Variants in CYREN observed in about 807,000 individuals in gnomAD.
CYREN encodes cell cycle regulator of non-homologous end joining.
In CYREN, 7 loss-of-function variants were observed where a neutral mutation model predicts 9.7. The observed-to-expected ratio is 0.72, with a 90% CI of 0.41 to 1.36. The LOEUF (loss-of-function observed/expected upper bound fraction) is 1.36, where lower values mean the gene tolerates loss of function less well. Among genes scored for constraint, CYREN ranks in the 40% most tolerant of loss-of-function variants. CYREN has a pLI of 0.01. For missense variants in CYREN, 215 were observed against 198.1 expected (o/e 1.09, Z -0.51); for synonymous variants, 76 against 77.9 (o/e 0.98, Z 0.13).
At chr7:135,165,626 G>C (rs966526893), downstream of CYREN, 2 of 167,488 alleles carry the variant, frequency 1.2e-5, no homozygotes, top group Admixed American at 1.3e-4. Context: ...CCTGAAGCCA[G>C]ACAGGGCAGA....
intron 2 of CYREN, among the ~76,000 whole-genome samples, chr7:135,125,033 C>A (rs1472520302): frequency 6.6e-6 from 1 of 151,752 alleles, no homozygotes; most frequent in Non-Finnish European, 1.5e-5. Flanking sequence ...TAGCAGAAGA[C>A]AAGAAATAAC....
downstream of CYREN, chr7:135,165,116 A>G: frequency 3.0e-6 from 4 of 1,327,042 alleles, no homozygotes; most frequent in African/African-American, 1.5e-5. Context: ...AACCCACTAC[A>G]GAGGAGGTGG....
downstream of CYREN, among the ~76,000 whole-genome samples, chr7:135,161,694 G>A (rs537791416): frequency 1.3e-5 from 2 of 152,122 alleles, no homozygotes; most frequent in African/African-American, 4.8e-5. This position sits in a 1 kb window ranked among gnomAD's most constrained non-coding sequence, Gnocchi z 4.1. Context: ...AATTCCTTCC[G>A]TAACAAGCAT....
chr7:135,169,776 A>C (rs1236578162), intron 1 of CYREN, among the ~76,000 whole-genome samples: 2 of 152,234 alleles, frequency 1.3e-5, no homozygotes, highest in Non-Finnish European at 2.9e-5. Context: ...TCCACTTAGG[A>C]ATCAAGCCAG....
rs1052555508 is a variant in CYREN, at chr7:135,160,450, G to C, written n.356+8299C>G. Among the ~76,000 whole-genome samples the C allele has an allele frequency of 3.9e-5, 6 of 152,350 alleles. No homozygotes were observed. In the South Asian group the frequency reaches 8.3e-4, roughly 21 times the overall value. ...ACCAGGGAAGGCCCATGGGGAAGTA[G>C]AGAAGAGTGTCATGGGGTTTCCAAC... On this transcript the variant is annotated intron_variant and non_coding_transcript_variant, in intron 2 of 2. Coordinates refer to the CYREN transcript ENST00000459937.
At chr7:135,171,580 A>G (rs1282997970), upstream of CYREN, among the ~76,000 whole-genome samples, 3 of 152,166 alleles carry the variant, frequency 2.0e-5, no homozygotes, top group Non-Finnish European at 2.9e-5. Flanking sequence ...CGACCCTTTC[A>G]TGTGAAATTT....
At chr7:135,103,120 G>A (rs1421267376) in intron 2 of CYREN, among the ~76,000 whole-genome samples, 4 of 152,042 alleles carry the variant, frequency 2.6e-5, no homozygotes, top group African/African-American at 7.2e-5. Context: ...CAGACCATCC[G>A]CACCTGGAAA....
chr7:135,163,531 G>A (rs1035041580), downstream of CYREN, among the ~76,000 whole-genome samples: 1 of 152,122 alleles, frequency 6.6e-6, no homozygotes, highest in Non-Finnish European at 1.5e-5. Context: ...TGTAGTCCCA[G>A]CTACTCGGGA....
At chr7:135,171,874 C>G (rs930252089), upstream of CYREN, among the ~76,000 whole-genome samples, 1 of 152,246 alleles carries the variant, frequency 6.6e-6, no homozygotes, top group Non-Finnish European at 1.5e-5. Flanking sequence ...GGTGGAATGC[C>G]TTGCCAGAGC....
At chr7:135,134,198 G>C (rs1322948176) in intron 2 of CYREN, among the ~76,000 whole-genome samples, 1 of 151,926 alleles carries the variant, frequency 6.6e-6, no homozygotes, top group Non-Finnish European at 1.5e-5. Context: ...AAGCTATTTT[G>C]GGGAAATTGG....
chr7:135,165,595 C>G (rs1237465412), downstream of CYREN: 5 of 167,468 alleles, frequency 3.0e-5, no homozygotes, highest in African/African-American at 1.2e-4. Flanking sequence ...CAAGGCTTGA[C>G]TGCTTCAAAG....
At chr7:135,161,464 C>G (rs1829936047), downstream of CYREN, among the ~76,000 whole-genome samples, 1 of 152,140 alleles carries the variant, frequency 6.6e-6, no homozygotes, top group Admixed American at 6.5e-5. The surrounding 1 kb of genome is among the most constrained non-coding windows in gnomAD (Gnocchi z 4.1). Context: ...CCTTCTTTTC[C>G]ACAGCATGAT....
intron 2 of CYREN, among the ~76,000 whole-genome samples, chr7:135,153,448 C>G (rs1829710651): frequency 1.7e-5 from 2 of 116,552 alleles, no homozygotes; most frequent in African/African-American, 7.0e-5. Flanking sequence ...AGCAAGACTC[C>G]ATCTCCACAA....
At chr7:135,098,920 G>A (rs1418167882) in intron 2 of CYREN, among the ~76,000 whole-genome samples, 1 of 152,026 alleles carries the variant, frequency 6.6e-6, no homozygotes, top group African/African-American at 2.4e-5. Context: ...CCACTAAAGA[G>A]CTAAAATGTG....
chr7:135,101,146 G>C (rs915505445), intron 2 of CYREN: 10 of 455,594 alleles, frequency 2.2e-5, no homozygotes, highest in Non-Finnish European at 4.4e-5. Context: ...TCAGTGAGAG[G>C]CCAATCTAGG....
At chr7:135,125,750 C>T (rs1827788678) in intron 2 of CYREN, among the ~76,000 whole-genome samples, 1 of 152,154 alleles carries the variant, frequency 6.6e-6, no homozygotes, top group Admixed American at 6.5e-5. Flanking sequence ...ATATGCAAAT[C>T]AATAAACATA....
In CYREN at chr7:135,168,945, G is replaced by A. The variant is rs1830446250; in HGVS notation, c.-23C>T. ...CATCTCTGTACCTTCTCACAAAGAA[G>A]AGTCAGGGCCCAAGCTTAATGACCT... On this transcript the variant is annotated 5_prime_UTR_variant, in exon 2 of 4. Coordinates refer to ENST00000393114, the MANE Select transcript of CYREN (RefSeq NM_024033.4). The A allele has an allele frequency of 1.3e-6, 2 of 1,560,000 alleles. No individual in the cohort carries two copies. The highest frequency in any genetic ancestry group is 1.7e-6 in the Non-Finnish European group (2 of 1,153,612).
chr7:135,139,386 C>A (rs576255722), intron 2 of CYREN, among the ~76,000 whole-genome samples: 2 of 150,804 alleles, frequency 1.3e-5, no homozygotes, highest in African/African-American at 4.9e-5. Flanking sequence ...TATGTCTTCT[C>A]TTGAGAAGTG....
At chr7:135,133,676 A>G (rs1829099383) in intron 2 of CYREN, among the ~76,000 whole-genome samples, 4 of 152,206 alleles carry the variant, frequency 2.6e-5, no homozygotes, top group African/African-American at 4.8e-5. Context: ...TGGAGAAAAA[A>G]GAGACTTTTC....
Sources: gnomAD v4.1 joint callset for allele counts (sites outside exome capture counted in the v4.1 genomes callset) on GRCh38, gnomAD v4.1.1 for gene constraint, Gnocchi (gnomAD v3.1) non-coding constraint, MANE v1.5 for transcripts, NCBI Gene and HGNC (gene_info 2026-07-23, HGNC 2026-07-21) for gene names.